JMJD1C: variants seen among roughly 807,000 people sequenced by gnomAD.
JMJD1C encodes jumonji domain-containing protein 1C.
Under a neutral mutation model 245.3 loss-of-function variants are expected in JMJD1C, and 31 were observed. The observed-to-expected ratio is 0.13, with a 90% CI of 0.09 to 0.17. JMJD1C has a LOEUF of 0.17. Among genes scored for constraint, JMJD1C ranks in the 10% least tolerant of loss-of-function variants. The pLI, the probability that JMJD1C is intolerant of heterozygous loss-of-function variation, is 1.00. For synonymous variants in JMJD1C, 1,057 were observed against 1,017.4 expected (o/e 1.04, Z -0.74); for missense variants, 2,691 against 3,000.2 (o/e 0.90, Z 2.41).
chr10:63,374,632 G>A (rs555933522), intron 2 of JMJD1C, among the ~76,000 whole-genome samples: 92 of 152,222 alleles, frequency 6.0e-4, no homozygotes, highest in Non-Finnish European at 1.2e-3. Flanking sequence ...TGCAGACAAA[G>A]GCTTGCAATG....
At chr10:63,175,972 T>C (rs1455121411) in intron 24 of JMJD1C, among the ~76,000 whole-genome samples, 2 of 152,176 alleles carry the variant, frequency 1.3e-5, no homozygotes, top group African/African-American at 4.8e-5. Context: ...AAAAAGTCTG[T>C]ATACTGTGTC....
At chr10:63,471,514 A>C (rs959059120) in intron 1 of JMJD1C, among the ~76,000 whole-genome samples, 85 of 152,322 alleles carry the variant, frequency 5.6e-4, no homozygotes, top group African/African-American at 1.7e-3. Context: ...TGACAAAAGT[A>C]ATCTTGCTTA....
intron 3 of JMJD1C, among the ~76,000 whole-genome samples, chr10:63,238,438 G>T (rs1851050316): frequency 6.6e-6 from 1 of 151,962 alleles, no homozygotes; most frequent in Non-Finnish European, 1.5e-5. Context: ...TAAAAAAGGA[G>T]TTTATATAAC....
intron 2 of JMJD1C, among the ~76,000 whole-genome samples, chr10:63,369,928 T>C (rs1946163773): frequency 6.6e-6 from 1 of 152,180 alleles, no homozygotes; most frequent in South Asian, 2.1e-4. Flanking sequence ...CATTCCAGTA[T>C]CAATTCTGAC....
In JMJD1C at chr10:63,208,029, G is replaced by T; in HGVS notation, c.3640C>A (p.His1214Asn). Residue 1214 changes from histidine to asparagine, a missense_variant, in exon 10 of 26, where the codon CAT becomes AAT. His to Asn is a moderately conservative substitution (Grantham distance 68). Transcript: ENST00000399262. ...CCTTCCTTTCTTTCCAGGCTGTGATGGATTGGTGGGTGAAATACTGGTGCT... is the reference window on the plus strand; with the variant it reads ...CCTTCCTTTCTTTCCAGGCTGTGATTGATTGGTGGGTGAAATACTGGTGCT... The part of the protein sequence containing the change: ...HRAPVFHPPI[H>N]HSLERKEGSY... The T allele has an allele frequency of 6.2e-7, 1 of 1,614,160 alleles. No individual in the cohort carries two copies. Among genetic ancestry groups the T allele is most frequent in the Non-Finnish European group, 8.5e-7 (1 of 1,180,006 alleles).
intron 1 of JMJD1C, among the ~76,000 whole-genome samples, chr10:63,391,052 T>C (rs1011684033): frequency 3.3e-5 from 5 of 152,150 alleles, no homozygotes; most frequent in African/African-American, 1.2e-4. Context: ...AAGAAGTCAA[T>C]GTGTCCCTCT....
At chr10:63,251,904 C>T (rs1168603354) in intron 3 of JMJD1C, among the ~76,000 whole-genome samples, 5 of 152,096 alleles carry the variant, frequency 3.3e-5, no homozygotes, top group African/African-American at 1.2e-4. Context: ...CCCAACTACT[C>T]GGGAGGCTGA....
chr10:63,250,901 T>C lies in JMJD1C; in HGVS notation c.447+13750A>G, dbSNP rs1311241660. Among the ~76,000 whole-genome samples the C allele has an allele frequency of 3.3e-5, 5 of 152,176 alleles. No individual in the cohort carries two copies. The East Asian group carries it at 5.8e-4, about 18-fold the overall frequency. On this transcript the variant is annotated intron_variant, in intron 3 of 25. Transcript: ENST00000399262. ...GACTACAGGTGCATGGCACCACATGTGGCTAAATTTTTATTTTTATTTTTA... is the reference window on the plus strand; with the variant it reads ...GACTACAGGTGCATGGCACCACATGCGGCTAAATTTTTATTTTTATTTTTA...
chr10:63,359,234 G>A (rs550992515), intron 2 of JMJD1C: 9 of 152,288 alleles, frequency 5.9e-5, no homozygotes, highest in African/African-American at 2.2e-4. Context: ...TAACTGGCCT[G>A]GGCCATATTC....
chr10:63,511,874 A>C (rs140175988), intron 1 of JMJD1C, among the ~76,000 whole-genome samples: 39 of 152,284 alleles, frequency 2.6e-4, no homozygotes, highest in South Asian at 8.3e-4. Context: ...TTGCCCATGT[A>C]TACTGAGGAA....
At chr10:63,236,025 AT>A (rs1394007116) in intron 3 of JMJD1C, among the ~76,000 whole-genome samples, 1 of 152,218 alleles carries the variant, frequency 6.6e-6, no homozygotes, top group East Asian at 1.9e-4. Context: ...AGATTATATA[AT>A]TTATGAAAAT....
intron 12 of JMJD1C, among the ~76,000 whole-genome samples, chr10:63,198,055 T>G (rs1845645913): frequency 6.6e-6 from 1 of 152,236 alleles, no homozygotes; most frequent in Admixed American, 6.5e-5. Context: ...ATTAAGTACT[T>G]AAGTAAACAT....
chr10:63,430,036 CA>C (rs1191597918), intron 1 of JMJD1C, among the ~76,000 whole-genome samples: 12 of 152,174 alleles, frequency 7.9e-5, no homozygotes, highest in African/African-American at 2.7e-4. Context: ...TATTTATGCA[CA>C]ACTATTTCTA....
intron 2 of JMJD1C, among the ~76,000 whole-genome samples, chr10:63,315,095 A>G (rs1939792054): frequency 6.6e-6 from 1 of 152,058 alleles, no homozygotes; most frequent in South Asian, 2.1e-4. Context: ...CTGGGATTAC[A>G]GGTGCGTGCC....
intron 22 of JMJD1C, among the ~76,000 whole-genome samples, chr10:63,179,678 T>C (rs1843239972): frequency 6.7e-6 from 1 of 148,880 alleles, no homozygotes; most frequent in South Asian, 2.1e-4. Context: ...GTGGCTGAGG[T>C]GGGAGGATCT....
rs764637059 is a variant in JMJD1C at position 63,214,653 on chromosome 10, G to A, written c.1514C>T (p.Thr505Ile). The stretch of plus-strand genomic sequence containing the variant: ...TGTAATATCAATAACACATTTTGGT[G>A]TGGGTGGTCTGGATACAAACTTCTC... ...PKEKFVSRPPTPKCVIDITND... is the reference protein window; with the variant it reads ...PKEKFVSRPPIPKCVIDITND... Residue 505 changes from threonine to isoleucine, a missense_variant, in exon 8 of 26, where the codon ACA becomes ATA. Transcript: ENST00000399262. 1.9e-6 allele frequency: 3 copies of A among 1,614,076 alleles called. No homozygotes were observed. Among genetic ancestry groups the A allele is most frequent in the East Asian group, 2.2e-5 (1 of 44,872 alleles).
At chr10:63,340,954 A>G (rs1312709659) in intron 2 of JMJD1C, among the ~76,000 whole-genome samples, 1 of 152,306 alleles carries the variant, frequency 6.6e-6, no homozygotes, top group African/African-American at 2.4e-5. Context: ...TTAAAAAAAA[A>G]GTAGAAGAAA....
intron 1 of JMJD1C, among the ~76,000 whole-genome samples, chr10:63,414,224 G>A (rs1429418604): frequency 6.6e-6 from 1 of 152,028 alleles, no homozygotes; most frequent in Non-Finnish European, 1.5e-5. Context: ...CTGACCTCGT[G>A]ATCTGCCTGC....
At chr10:63,247,664 G>A (rs1346352108) in intron 3 of JMJD1C, among the ~76,000 whole-genome samples, 3 of 132,886 alleles carry the variant, frequency 2.3e-5, no homozygotes, top group African/African-American at 8.6e-5. Flanking sequence ...CCAGAGAGGC[G>A]AAGACTGCAG....
Sources: gnomAD v4.1 joint callset for allele counts (sites outside exome capture counted in the v4.1 genomes callset) on GRCh38, gnomAD v4.1.1 for gene constraint, MANE v1.5 for transcripts, NCBI Gene and HGNC (gene_info 2026-07-23, HGNC 2026-07-21) for gene names.